PLEKHB1: variants seen among roughly 807,000 people sequenced by gnomAD.
PLEKHB1 encodes the protein pleckstrin homology domain-containing family B member 1.
PLEKHB1 carries 29 observed loss-of-function variants against 36.2 expected under a neutral mutation model. The observed-to-expected ratio is 0.80, with a 90% CI of 0.60 to 1.09. The LOEUF (loss-of-function observed/expected upper bound fraction) is 1.09, where lower values mean the gene tolerates loss of function less well. PLEKHB1 is among the 50% of genes least tolerant of loss of function. The probability of loss-of-function intolerance (pLI) is 0.00; values close to 1 mark genes in which losing one functional copy is unlikely to be tolerated. For missense variants in PLEKHB1, 330 were observed against 348.2 expected, an observed-to-expected ratio of 0.95 and a Z score of 0.42; for synonymous variants, 138 against 140.0, an observed-to-expected ratio of 0.99 and a Z score of 0.10.
At chr11:73,646,657 G>C (rs1260989966) in intron 1 of PLEKHB1, 31 bp downstream of exon 1, 2 of 1,551,340 alleles carry the variant, frequency 1.3e-6, no homozygotes, top group East Asian at 2.4e-5. Context: ...ACAGGAGGAA[G>C]GGCCCAGGGC....
intron 6 of PLEKHB1, among the ~76,000 whole-genome samples, chr11:73,657,650 T>G (rs1945020265): frequency 6.6e-6 from 1 of 152,152 alleles, no homozygotes; most frequent in South Asian, 2.1e-4. Flanking sequence ...TATGGGGTGC[T>G]CCACCCTCTC....
At chr11:73,654,480 C>A (rs529786676) in intron 5 of PLEKHB1, among the ~76,000 whole-genome samples, 227 of 152,300 alleles carry the variant, frequency 1.5e-3, no homozygotes, top group African/African-American at 5.2e-3. Context: ...TTCCAACAAC[C>A]CTGGCAGGGC....
Position 73,661,462 on chromosome 11 carries a change from G to C in PLEKHB1, c.596-4G>C. Reference sequence around the variant, plus strand: ...TGATCCTCATGGGCTGTCTCCCTCTGCAGGCCCTGGCGTGACGCACGTGAT... The same window carrying C: ...TGATCCTCATGGGCTGTCTCCCTCTCCAGGCCCTGGCGTGACGCACGTGAT... On this transcript the variant is annotated splice_region_variant and splice_polypyrimidine_tract_variant and intron_variant, in intron 7 of 7. Coordinates refer to ENST00000354190, the MANE Select transcript of PLEKHB1 (RefSeq NM_021200.3). This position sits in a 1 kb window ranked among gnomAD's most constrained non-coding sequence, Gnocchi z 4.6. 1.2e-6 allele frequency: 2 copies of C among 1,613,720 alleles called. No homozygotes were observed. The highest frequency in any genetic ancestry group is 1.7e-6 in the Non-Finnish European group (2 of 1,179,718).
chr11:73,662,402 G>A lies in PLEKHB1; in HGVS notation c.*800G>A, dbSNP rs1264661434. On this transcript the variant is annotated 3_prime_UTR_variant, in exon 8 of 8. Coordinates refer to ENST00000354190, the MANE Select transcript of PLEKHB1 (RefSeq NM_021200.3). The stretch of plus-strand genomic sequence containing the variant: ...ATGATAACAATTGAGCTGAACCTGG[G>A]GACCCCTGGTTGGGGAACAGGTGAG... 6.6e-6 allele frequency: 1 copy of A among 152,276 alleles called. No homozygotes were observed. Among genetic ancestry groups the A allele is most frequent in the Non-Finnish European group, 1.5e-5 (1 of 68,054 alleles). The allele number at this position is 152,276 out of a possible 1,614,324, so 9.4% of individuals were successfully genotyped here.
At chr11:73,649,374 C>T (rs145983966) in intron 2 of PLEKHB1, among the ~76,000 whole-genome samples, 1 of 152,252 alleles carries the variant, frequency 6.6e-6, no homozygotes, top group Non-Finnish European at 1.5e-5. Flanking sequence ...GGATTAGAGG[C>T]TCCCTCCTCG....
chr11:73,661,079 C>T lies in PLEKHB1; in HGVS notation c.595+227C>T, dbSNP rs925491584. Among the ~76,000 whole-genome samples, 7 of 152,368 alleles carry T rather than the reference C, an allele frequency of 4.6e-5. No individual in the cohort carries two copies. Among genetic ancestry groups the T allele is most frequent in the Non-Finnish European group, 8.8e-5 (6 of 68,034 alleles). On this transcript the variant is annotated intron_variant, in intron 7 of 7. Coordinates refer to ENST00000354190, the MANE Select transcript of PLEKHB1 (RefSeq NM_021200.3). The surrounding 1 kb of genome is among the most constrained non-coding windows in gnomAD (Gnocchi z 4.6). ...CTTCTGGGATGGCTCCTCAGCCCTG[C>T]GGTCGGCAATACCCATTCCTGAGCC...
intron 6 of PLEKHB1, among the ~76,000 whole-genome samples, chr11:73,659,226 C>CAAAA (rs5792624): frequency 1.4e-5 from 2 of 142,480 alleles, no homozygotes; most frequent in Admixed American, 7.0e-5. Flanking sequence ...AACTCTGTCT[C>CAAAA]AAAAAAAAAA....
Position 73,650,609 on chromosome 11 carries a change from C to A in PLEKHB1, c.151C>A (p.Leu51Met). ...NWFALWLDGT[L>M]GYYHDETAQD... is the part of the protein sequence containing the mutation. ...GTTTGCCCTGTGGCTGGACGGGACC[C>A]TGGGATACTACCACGATGAGACAGC... is the stretch of plus-strand genomic sequence containing the variant. The change falls in exon 3 of 8, where the codon CTG becomes ATG. Residue 51 changes from leucine to methionine, a missense_variant. By Grantham distance (15) the Leu-to-Met change is conservative. Coordinates refer to ENST00000354190, the MANE Select transcript of PLEKHB1 (RefSeq NM_021200.3). 1 of 1,613,324 alleles carries A rather than the reference C, an allele frequency of 6.2e-7. No homozygotes were observed. Among genetic ancestry groups the A allele is most frequent in the Non-Finnish European group, 8.5e-7 (1 of 1,179,668 alleles).
rs1369903051 is a variant in PLEKHB1, at chr11:73,646,592, C to T, written c.-17C>T. ...CGGGAGCCTTCTGGGAAATGCTGCC[C>T]TGGCCACCCAGGAACCATGAGCCCT... On this transcript the variant is annotated 5_prime_UTR_variant, in exon 1 of 8. Transcript: ENST00000354190. 1 of 1,551,574 alleles carries T rather than the reference C, an allele frequency of 6.4e-7. No individual in the cohort carries two copies. The highest frequency in any genetic ancestry group is 1.4e-5 in the African/African-American group (1 of 73,166).
At position 73,655,842 on chromosome 11, in the gene PLEKHB1, G is replaced by T. The variant is rs1490824329; in HGVS notation, c.430G>T (p.Val144Phe). ...CACCGTCCCTCCCAGGAGCCGCCGG[G>T]TTTGCTCCAAGGTCAGGTGTGTGAC... ...GATVPPRSRR[V>F]CSKVRCVTRS... Residue 144 changes from valine to phenylalanine, a missense_variant, in exon 6 of 8, where the codon GTT (valine) becomes TTT (phenylalanine). Physicochemically the swap from Val to Phe is conservative, Grantham distance 50. Transcript: ENST00000354190. 2 of 1,613,756 alleles carry T rather than the reference G, an allele frequency of 1.2e-6. No individual in the cohort carries two copies. Among genetic ancestry groups the T allele is most frequent in the Non-Finnish European group, 1.7e-6 (2 of 1,179,864 alleles).
intron 2 of PLEKHB1, 162 bp from the exon 3 acceptor site, chr11:73,650,391 C>T: frequency 4.1e-6 from 3 of 735,912 alleles, no homozygotes; most frequent in Non-Finnish European, 4.3e-6. Context: ...AGGAGGTGAA[C>T]AAGACAGAAA....
At chr11:73,653,037 C>T (rs757318541) in intron 5 of PLEKHB1, 23 bp downstream of exon 5, 7 of 1,600,568 alleles carry the variant, frequency 4.4e-6, no homozygotes, top group East Asian at 4.5e-5. Flanking sequence ...TTCTCTCCCC[C>T]TTTCCCCACC....
chr11:73,660,836 C>A lies in PLEKHB1; in HGVS notation c.579C>A (p.Tyr193Ter). 6.3e-7 allele frequency: 1 copy of A among 1,592,320 alleles called. No individual in the cohort carries two copies. Among genetic ancestry groups the A allele is most frequent in the South Asian group, 1.1e-5 (1 of 87,116 alleles). Residue 193 changes from tyrosine to a stop codon, truncating the protein, a stop_gained, in exon 7 of 8, where the codon TAC becomes TAA. Coordinates refer to ENST00000354190, the MANE Select transcript of PLEKHB1 (RefSeq NM_021200.3). LOFTEE classifies it high-confidence loss of function. ...AHEATYVRSY[Y>*]GPPYAGPGVT... ...AGGCCACGTATGTCCGCAGCTACTA[C>A]GGACCGCCCTACGCAGGTAAGTCTC...
intron 6 of PLEKHB1, chr11:73,660,261 T>C: frequency 6.2e-6 from 1 of 162,066 alleles, no homozygotes; most frequent in Non-Finnish European, 1.4e-5. Flanking sequence ...GACGCATTTC[T>C]CAGACTGTAT....
At chr11:73,647,474 G>A in intron 1 of PLEKHB1, 1 of 733,040 alleles carries the variant, frequency 1.4e-6, no homozygotes, top group Non-Finnish European at 1.7e-6. Context: ...AATTGCAGGC[G>A]GGGCTGCTTC....
chr11:73,661,138 T>C lies in PLEKHB1; in HGVS notation c.595+286T>C, dbSNP rs1316355982. On this transcript the variant is annotated intron_variant, in intron 7 of 7. Transcript: ENST00000354190. This position sits in a 1 kb window ranked among gnomAD's most constrained non-coding sequence, Gnocchi z 4.6. ...CCCCTGGTGGCTACTGCGGGAATGC[T>C]GCCTCCTCCCCGCTCTGGGGCCTGG... is the stretch of plus-strand genomic sequence containing the variant. Among the ~76,000 whole-genome samples, 1 of 152,216 alleles carries C rather than the reference T, an allele frequency of 6.6e-6. No homozygotes were observed. The highest frequency in any genetic ancestry group is 2.4e-5 in the African/African-American group (1 of 41,470).
intron 5 of PLEKHB1, 26 bp downstream of exon 5, chr11:73,653,040 T>TC: frequency 6.3e-7 from 1 of 1,599,474 alleles, no homozygotes; most frequent in Non-Finnish European, 8.5e-7. Context: ...TCTCCCCCTT[T>TC]CCCCACCACC....
intron 1 of PLEKHB1, 21 bp from the exon 2 acceptor site, chr11:73,648,991 C>G (rs1944827387): frequency 1.3e-6 from 2 of 1,575,906 alleles, no homozygotes; most frequent in Non-Finnish European, 1.7e-6. Context: ...AGGCCTGTGT[C>G]TCCCGTGGCT....
At chr11:73,651,588 G>C in intron 3 of PLEKHB1, 200 bp from the exon 4 acceptor site, 1 of 664,112 alleles carries the variant, frequency 1.5e-6, no homozygotes, top group East Asian at 2.8e-5. Flanking sequence ...GAGGTGTGCT[G>C]AGGGAAGCCT....
Sources: gnomAD v4.1 joint callset for allele counts (sites outside exome capture counted in the v4.1 genomes callset) on GRCh38, gnomAD v4.1.1 for gene constraint, Gnocchi (gnomAD v3.1) non-coding constraint, MANE v1.5 for transcripts, NCBI Gene and HGNC (gene_info 2026-07-23, HGNC 2026-07-21) for gene names.